The following POPDC1 variants were observed in gnomAD, a reference collection of about 807,000 sequenced individuals.
POPDC1 encodes popeye domain cAMP effector 1, also known as popeye domain-containing protein 1.
chr6:105,136,834 C>A, the POPDC1 span: 1 of 152,216 alleles, frequency 6.6e-6, no homozygotes, highest in Admixed American at 6.5e-5. Flanking sequence ...AAGCAGCTGC[C>A]GCCAGGGCCG....
the POPDC1 span, among the ~76,000 whole-genome samples, chr6:105,102,806 C>T: frequency 1.3e-5 from 2 of 152,174 alleles, no homozygotes; most frequent in African/African-American, 2.4e-5. Context: ...AATGCTACCA[C>T]CAGTCACATC....
the POPDC1 span, chr6:105,136,145 C>T: frequency 6.6e-6 from 1 of 152,210 alleles, no homozygotes; most frequent in Admixed American, 6.5e-5. Context: ...CGAGTTAATT[C>T]ATTCTGTAAT....
the POPDC1 span, among the ~76,000 whole-genome samples, chr6:105,122,675 T>C: frequency 6.6e-6 from 1 of 152,126 alleles, no homozygotes; most frequent in Non-Finnish European, 1.5e-5. Context: ...TGTTGGGCTT[T>C]GGAAGAAGAA....
chr6:105,126,725 C>T, the POPDC1 span, among the ~76,000 whole-genome samples: 1 of 152,158 alleles, frequency 6.6e-6, no homozygotes, highest in Non-Finnish European at 1.5e-5. Context: ...AAAGGTAACA[C>T]ATACATTAAG....
At chr6:105,121,312 C>T in the POPDC1 span, among the ~76,000 whole-genome samples, 1 of 150,850 alleles carries the variant, frequency 6.6e-6, no homozygotes, top group Non-Finnish European at 1.5e-5. Flanking sequence ...GTTGCCCAGG[C>T]TGGAGTGCAG....
chr6:105,119,571 A>G, the POPDC1 span, among the ~76,000 whole-genome samples: 1 of 152,222 alleles, frequency 6.6e-6, no homozygotes, highest in Non-Finnish European at 1.5e-5. Flanking sequence ...CAGAAAAGTG[A>G]GCATGGTGTC....
At chr6:105,136,932 G>C in the POPDC1 span, 2 of 152,292 alleles carry the variant, frequency 1.3e-5, no homozygotes, top group Non-Finnish European at 2.9e-5. Flanking sequence ...CCCGGCGCGG[G>C]GGGAAAGCCG....
chr6:105,104,364 T>C, the POPDC1 span, among the ~76,000 whole-genome samples: 1 of 152,122 alleles, frequency 6.6e-6, no homozygotes, highest in African/African-American at 2.4e-5. Context: ...AAAACAGGCA[T>C]CTTGAGTGCT....
At chr6:105,108,013 G>A in the POPDC1 span, among the ~76,000 whole-genome samples, 10 of 152,196 alleles carry the variant, frequency 6.6e-5, no homozygotes, top group African/African-American at 2.2e-4. Flanking sequence ...TAGGGCAAAT[G>A]CGGAGGTTGA....
At chr6:105,125,308 AT>A in the POPDC1 span, 1 of 1,474,886 alleles carries the variant, frequency 6.8e-7, no homozygotes, top group South Asian at 1.2e-5. Flanking sequence ...CATTGGCAAC[AT>A]TTCCTCCCAT....
the POPDC1 span, among the ~76,000 whole-genome samples, chr6:105,126,879 C>CAT: frequency 6.6e-6 from 1 of 152,170 alleles, no homozygotes; most frequent in Non-Finnish European, 1.5e-5. Flanking sequence ...GTAGAAGTTT[C>CAT]ATTGTAAGCT....
At chr6:105,125,148 A>G in the POPDC1 span, among the ~76,000 whole-genome samples, 7 of 152,264 alleles carry the variant, frequency 4.6e-5, no homozygotes, top group Non-Finnish European at 8.8e-5. Context: ...AACGTCAAAA[A>G]TGGTTAAAAT....
chr6:105,122,489 C>T, the POPDC1 span, among the ~76,000 whole-genome samples: 456 of 152,210 alleles, frequency 3.0e-3, 3 homozygotes, highest in African/African-American at 0.011. Context: ...AATCTGAAGT[C>T]CAGAAAAGAT....
At chr6:105,107,097 TC>T in the POPDC1 span, among the ~76,000 whole-genome samples, 18 of 151,878 alleles carry the variant, frequency 1.2e-4, no homozygotes, top group African/African-American at 4.4e-4. Flanking sequence ...CCCCTCTACC[TC>T]CCCCCACCCC....
chr6:105,114,451 A>C, the POPDC1 span, among the ~76,000 whole-genome samples: 1 of 150,974 alleles, frequency 6.6e-6, no homozygotes, highest in Non-Finnish European at 1.5e-5. Flanking sequence ...TGCAATACTT[A>C]AAATCCCTAA....
chr6:105,113,097 A>G, the POPDC1 span, among the ~76,000 whole-genome samples: 1 of 150,756 alleles, frequency 6.6e-6, no homozygotes, highest in African/African-American at 2.4e-5. Flanking sequence ...TGCCTGGATA[A>G]TTTTTTTAAT....
the POPDC1 span, among the ~76,000 whole-genome samples, chr6:105,134,067 C>G: frequency 6.6e-6 from 1 of 151,794 alleles, no homozygotes; most frequent in Admixed American, 6.6e-5. Context: ...ATATGAATAC[C>G]CTCACATCTA....
chr6:105,108,314 C>T, the POPDC1 span, among the ~76,000 whole-genome samples: 6 of 152,146 alleles, frequency 3.9e-5, no homozygotes, highest in Admixed American at 2.0e-4. Flanking sequence ...GGCTGGAGGA[C>T]GGCAGGCTCT....
chr6:105,116,768 C>T, the POPDC1 span: 7 of 1,612,080 alleles, frequency 4.3e-6, no homozygotes, highest in East Asian at 4.5e-5. Context: ...AATAAGATAC[C>T]TAAAGATTTC....
Sources: allele counts gnomAD v4.1 joint callset (sites outside exome capture counted in the v4.1 genomes callset), GRCh38; gene constraint gnomAD v4.1.1; transcripts MANE v1.5; gene names NCBI Gene and HGNC (gene_info 2026-07-23, HGNC 2026-07-21).